Variants in NUDT3 observed in about 807,000 individuals in gnomAD.
The protein encoded by NUDT3 is nudix hydrolase 3.
A neutral mutation model predicts 23.6 loss-of-function variants in NUDT3; 9 were observed. That is an observed-to-expected ratio of 0.38 (90% CI 0.23 to 0.66). The LOEUF (loss-of-function observed/expected upper bound fraction) is 0.66. Among genes scored for constraint, NUDT3 ranks in the 30% least tolerant of loss-of-function variants. The probability of loss-of-function intolerance (pLI) is 0.52; values close to 1 mark genes in which losing one functional copy is unlikely to be tolerated. For synonymous variants in NUDT3, 86 were observed against 82.6 expected (o/e 1.04, Z -0.22); for missense variants, 172 against 218.5 (o/e 0.79, Z 1.34).
chr6:34,360,572 AAAAC>A (rs1259341123), intron 1 of NUDT3, among the ~76,000 whole-genome samples: 1 of 152,214 alleles, frequency 6.6e-6, no homozygotes, highest in East Asian at 1.9e-4. Flanking sequence ...CACCATCTCA[AAAAC>A]AAACAAACAA....
rs1763297571 is a variant in NUDT3, at chr6:34,283,207, T to TTC, written c.*5545_*5546insGA. ...ATGGGATTCCCTTCCCTTTTCTTTT[T>TTC]TTTTTTTTTTTTTTTGAGACGGAGT... On this transcript the variant is annotated 3_prime_UTR_variant, in exon 5 of 5. Coordinates refer to ENST00000607016, the MANE Select transcript of NUDT3 (RefSeq NM_006703.4). 1.3e-5 allele frequency: 2 copies of TTC among 148,528 alleles called. No homozygotes were observed. The highest frequency in any genetic ancestry group is 5.0e-5 in the African/African-American group (2 of 40,114). The allele number at this position is 148,528 out of a possible 1,614,324, so 9.2% of individuals were successfully genotyped here.
chr6:34,328,164 G>A (rs1451295438), intron 2 of NUDT3, among the ~76,000 whole-genome samples: 1 of 151,706 alleles, frequency 6.6e-6, no homozygotes, highest in African/African-American at 2.4e-5. Context: ...GTAATCTTCC[G>A]CCCACAGTGA....
At chr6:34,291,205 C>T (rs567019875) in intron 4 of NUDT3, among the ~76,000 whole-genome samples, 89 of 151,650 alleles carry the variant, frequency 5.9e-4, no homozygotes, top group African/African-American at 2.0e-3. Flanking sequence ...GTGATTCACC[C>T]GCCTTGGCCT....
At chr6:34,312,824 G>GATT (rs1763795063) in intron 2 of NUDT3, among the ~76,000 whole-genome samples, 1 of 152,188 alleles carries the variant, frequency 6.6e-6, no homozygotes, top group Non-Finnish European at 1.5e-5. Context: ...TTACACAAAG[G>GATT]ATTATTATTC....
At chr6:34,289,316 C>G (rs1763382364) in intron 4 of NUDT3, among the ~76,000 whole-genome samples, 1 of 152,222 alleles carries the variant, frequency 6.6e-6, no homozygotes, top group Non-Finnish European at 1.5e-5. Context: ...CCTACAATCC[C>G]AGCACTTTAG....
chr6:34,390,723 G>C (rs575076508), intron 1 of NUDT3, among the ~76,000 whole-genome samples: 1 of 152,022 alleles, frequency 6.6e-6, no homozygotes, highest in South Asian at 2.1e-4. Context: ...CTTATAATTG[G>C]GGTGCTCACA....
chr6:34,305,769 C>T (rs1763670325), intron 2 of NUDT3, among the ~76,000 whole-genome samples: 1 of 152,180 alleles, frequency 6.6e-6, no homozygotes, highest in African/African-American at 2.4e-5. Flanking sequence ...ATGATTTGTG[C>T]TTTAACTCAT....
chr6:34,363,838 T>C (rs1764685289), intron 1 of NUDT3, among the ~76,000 whole-genome samples: 1 of 151,898 alleles, frequency 6.6e-6, no homozygotes, highest in Non-Finnish European at 1.5e-5. Context: ...AGTAGCGCGA[T>C]CTCAGCTCAC....
chr6:34,343,937 T>C lies in NUDT3; in HGVS notation c.100-1965A>G, dbSNP rs149548679. On this transcript the variant is annotated intron_variant, in intron 1 of 4. Coordinates refer to ENST00000607016, the MANE Select transcript of NUDT3 (RefSeq NM_006703.4). ...GGCTAATAAGCACATGAAAAGATGC[T>C]CAACATCATTAGTCATTAGGGAAAT... 4.2e-3 allele frequency among the ~76,000 whole-genome samples: 635 copies of C among 152,216 alleles called. 7 individuals are homozygous for C. Among genetic ancestry groups the C allele is most frequent in the African/African-American group, 0.015 (603 of 41,546 alleles).
chr6:34,374,883 A>C (rs1468976662), intron 1 of NUDT3, among the ~76,000 whole-genome samples: 2 of 152,212 alleles, frequency 1.3e-5, no homozygotes, highest in Non-Finnish European at 2.9e-5. Context: ...CTCTCAGTCA[A>C]CTTTCTGATT....
intron 2 of NUDT3, among the ~76,000 whole-genome samples, chr6:34,325,401 A>G (rs1027854157): frequency 6.6e-6 from 1 of 152,092 alleles, no homozygotes; most frequent in Non-Finnish European, 1.5e-5. Context: ...TGTAGAGATA[A>G]GGTCTCCCTT....
intron 1 of NUDT3, among the ~76,000 whole-genome samples, chr6:34,372,714 G>C (rs1012156302): frequency 1.3e-5 from 2 of 152,050 alleles, no homozygotes; most frequent in South Asian, 2.1e-4. Context: ...TGAGGCAGGA[G>C]AATCGCTTGA....
At chr6:34,326,901 C>T (rs951663453) in intron 2 of NUDT3, among the ~76,000 whole-genome samples, 1 of 152,082 alleles carries the variant, frequency 6.6e-6, no homozygotes, top group Non-Finnish European at 1.5e-5. Flanking sequence ...GGGTCCCGCC[C>T]TACGGGGCTT....
chr6:34,330,154 G>A, intron 2 of NUDT3, among the ~76,000 whole-genome samples: 1 of 152,054 alleles, frequency 6.6e-6, no homozygotes, highest in East Asian at 1.9e-4. Context: ...TAATCCTTTG[G>A]GTATATACCC....
At chr6:34,342,375 T>C (rs1764302275) in intron 1 of NUDT3, among the ~76,000 whole-genome samples, 1 of 151,020 alleles carries the variant, frequency 6.6e-6, no homozygotes, top group African/African-American at 2.4e-5. Context: ...CAAAAGGCCC[T>C]TGGCCATGAT....
chr6:34,315,684 A>T (rs1224459455), intron 2 of NUDT3, among the ~76,000 whole-genome samples: 1 of 152,208 alleles, frequency 6.6e-6, no homozygotes, highest in Non-Finnish European at 1.5e-5. Context: ...TGTGTGACCA[A>T]AAGTATAGAT....
chr6:34,392,153 C>A (rs1765214214), intron 1 of NUDT3, 111 bp downstream of exon 1: 2 of 726,444 alleles, frequency 2.8e-6, no homozygotes, highest in Middle Eastern at 3.9e-4. Context: ...CTTCATTCCG[C>A]CCGAGCGGGG....
intron 2 of NUDT3, among the ~76,000 whole-genome samples, chr6:34,317,375 T>C (rs1038305722): frequency 1.5e-4 from 22 of 151,688 alleles, no homozygotes; most frequent in Admixed American, 1.4e-3. Flanking sequence ...AGCCTCCAGA[T>C]TGGGAGAGAT....
intron 2 of NUDT3, among the ~76,000 whole-genome samples, chr6:34,328,593 A>G (rs206930): frequency 0.8 from 122,306 of 152,070 alleles, 49,950 homozygotes; most frequent in African/African-American, 0.95. Flanking sequence ...GTGCAATCAC[A>G]GCTCACTGCA....
Sources: gnomAD v4.1 joint callset for allele counts (sites outside exome capture counted in the v4.1 genomes callset) on GRCh38, gnomAD v4.1.1 for gene constraint, MANE v1.5 for transcripts, NCBI Gene and HGNC (gene_info 2026-07-23, HGNC 2026-07-21) for gene names.